Variants in NALF1 observed in about 807,000 individuals in gnomAD.
The protein encoded by NALF1 is family with sequence similarity 155 member A.
Under a neutral mutation model 48.4 loss-of-function variants are expected in NALF1, and 3 were observed. That is an observed-to-expected ratio of 0.06 (90% CI 0.03 to 0.16). The LOEUF (loss-of-function observed/expected upper bound fraction) is 0.16, where lower values mean the gene tolerates loss of function less well. NALF1 is among the 10% of genes least tolerant of loss of function. NALF1 has a pLI of 1.00. For synonymous variants in NALF1, 262 were observed against 245.7 expected (o/e 1.07, Z -0.62); for missense variants, 526 against 571.5 (o/e 0.92, Z 0.81).
At chr13:107,531,884 A>G (rs1876650972) in intron 1 of NALF1, among the ~76,000 whole-genome samples, 1 of 152,138 alleles carries the variant, frequency 6.6e-6, no homozygotes, top group Non-Finnish European at 1.5e-5. Flanking sequence ...TTAAAAATTA[A>G]TTTTATGCTT....
chr13:107,754,545 A>G (rs984131343), intron 1 of NALF1, among the ~76,000 whole-genome samples: 1 of 152,096 alleles, frequency 6.6e-6, no homozygotes, highest in Non-Finnish European at 1.5e-5. Context: ...GTAGATCACT[A>G]GATGGTTTTT....
intron 1 of NALF1, among the ~76,000 whole-genome samples, chr13:107,509,061 A>T (rs1875797537): frequency 6.6e-6 from 1 of 152,178 alleles, no homozygotes; most frequent in South Asian, 2.1e-4. Context: ...TGAGATGTAT[A>T]TATGCCTGTT....
chr13:107,543,132 T>A (rs1446210005), intron 1 of NALF1, among the ~76,000 whole-genome samples: 1 of 152,054 alleles, frequency 6.6e-6, no homozygotes, highest in Non-Finnish European at 1.5e-5. Context: ...AATATTAACT[T>A]AAGAGCCAAA....
chr13:107,462,769 T>C (rs1265654722), intron 1 of NALF1, among the ~76,000 whole-genome samples: 2 of 152,224 alleles, frequency 1.3e-5, no homozygotes, highest in Admixed American at 1.3e-4. Context: ...TCTCACTGCA[T>C]TGCTGAGAGA....
chr13:107,252,815 T>C (rs1050826505), intron 1 of NALF1, among the ~76,000 whole-genome samples: 1 of 152,196 alleles, frequency 6.6e-6, no homozygotes, highest in Non-Finnish European at 1.5e-5. Context: ...CACCTGTTCT[T>C]AAAGCCCAAA....
intron 1 of NALF1, among the ~76,000 whole-genome samples, chr13:107,612,649 G>A (rs554673435): frequency 6.6e-6 from 1 of 152,220 alleles, no homozygotes; most frequent in South Asian, 2.1e-4. Context: ...GTAGGACATT[G>A]CTCCTTCCTG....
At chr13:107,392,653 G>A (rs1442639653) in intron 1 of NALF1, among the ~76,000 whole-genome samples, 2 of 151,984 alleles carry the variant, frequency 1.3e-5, no homozygotes, top group African/African-American at 4.8e-5. Context: ...GAGACTTAAA[G>A]TATATCAAAG....
chr13:107,580,718 T>A (rs1409287915), intron 1 of NALF1, among the ~76,000 whole-genome samples: 3 of 152,294 alleles, frequency 2.0e-5, no homozygotes, highest in East Asian at 3.9e-4. Context: ...TTCTTTCAAG[T>A]TTTGAGGAAA....
At chr13:107,648,234 C>T (rs534322026) in intron 1 of NALF1, among the ~76,000 whole-genome samples, 8 of 152,212 alleles carry the variant, frequency 5.3e-5, no homozygotes, top group Non-Finnish European at 7.4e-5. Context: ...TTGCATTGTG[C>T]AGTTCTATGG....
At chr13:107,784,497 G>T (rs1282114440) in intron 1 of NALF1, among the ~76,000 whole-genome samples, 1 of 151,982 alleles carries the variant, frequency 6.6e-6, no homozygotes, top group Non-Finnish European at 1.5e-5. Context: ...GGTCTGTTCT[G>T]ATCAATATTT....
chr13:107,334,903 G>C (rs1020594039), intron 1 of NALF1, among the ~76,000 whole-genome samples: 6 of 152,066 alleles, frequency 3.9e-5, no homozygotes, highest in East Asian at 1.9e-4. Flanking sequence ...ATATTCTCAG[G>C]CTCAGGAAGA....
chr13:107,564,767 T>C (rs1475386207), intron 1 of NALF1, among the ~76,000 whole-genome samples: 2 of 152,100 alleles, frequency 1.3e-5, no homozygotes, highest in East Asian at 1.9e-4. Flanking sequence ...TTGGTGGCAA[T>C]AGGACAGGGC....
intron 1 of NALF1, among the ~76,000 whole-genome samples, chr13:107,582,674 T>C (rs901821978): frequency 5.9e-5 from 9 of 152,210 alleles, no homozygotes; most frequent in African/African-American, 2.2e-4. Context: ...CAAAGTAATT[T>C]TGAAAATATA....
At chr13:107,739,844 G>A (rs964097828) in intron 1 of NALF1, among the ~76,000 whole-genome samples, 8 of 152,274 alleles carry the variant, frequency 5.3e-5, no homozygotes, top group South Asian at 2.1e-4. Flanking sequence ...ACATAGAAGC[G>A]CAAACCCTAT....
intron 1 of NALF1, among the ~76,000 whole-genome samples, chr13:107,774,809 T>C (rs1877678800): frequency 6.6e-6 from 1 of 152,164 alleles, no homozygotes; most frequent in African/African-American, 2.4e-5. Context: ...AAACCCTTCC[T>C]TAAAAAAACA....
Position 107,189,329 on chromosome 13 carries a change from C to G in NALF1, c.1088-18543G>C, listed in dbSNP as rs185876882. 8.0e-3 allele frequency among the ~76,000 whole-genome samples: 1,212 copies of G among 152,172 alleles called. 59 individuals are homozygous for G. The highest frequency in any genetic ancestry group is 1.6e-3 in the Non-Finnish European group (106 of 68,016). ...TGTTATTTTCCCCAAAATGGTCACA[C>G]AGTAATTTTTTTAATTATGAAAAAT... On this transcript the variant is annotated intron_variant, in intron 2 of 2. Transcript: ENST00000375915.
intron 1 of NALF1, among the ~76,000 whole-genome samples, chr13:107,851,972 A>T (rs771315068): frequency 6.9e-6 from 1 of 144,204 alleles, no homozygotes; most frequent in Non-Finnish European, 1.5e-5. Context: ...ATGCCCGGCT[A>T]TTTTTTTTTT....
intron 1 of NALF1, among the ~76,000 whole-genome samples, chr13:107,471,874 T>C (rs1425477120): frequency 6.6e-6 from 1 of 152,164 alleles, no homozygotes; most frequent in Non-Finnish European, 1.5e-5. Flanking sequence ...TCTTTGAAAA[T>C]GGCAGAGAAG....
At chr13:107,171,808 A>G (rs1237070950) in intron 2 of NALF1, among the ~76,000 whole-genome samples, 1 of 152,182 alleles carries the variant, frequency 6.6e-6, no homozygotes. Flanking sequence ...AACTTTCTAC[A>G]CAAATTTTGT....
Sources: allele counts gnomAD v4.1 joint callset (sites outside exome capture counted in the v4.1 genomes callset), GRCh38; gene constraint gnomAD v4.1.1; transcripts MANE v1.5; gene names NCBI Gene and HGNC (gene_info 2026-07-23, HGNC 2026-07-21).